Variants in MAGI3 observed in about 807,000 individuals in gnomAD.
The protein encoded by MAGI3 is membrane associated guanylate kinase, WW and PDZ domain containing 3.
A neutral mutation model predicts 121.8 loss-of-function variants in MAGI3; 43 were observed. That is an observed-to-expected ratio of 0.35 (90% CI 0.28 to 0.46). The LOEUF is 0.46. Among genes scored for constraint, MAGI3 ranks in the 20% least tolerant of loss-of-function variants. The pLI is 1.00. For missense variants in MAGI3, 1,547 were observed against 1,797.3 expected, an observed-to-expected ratio of 0.86 and a Z score of 2.52; for synonymous variants, 553 against 639.3, an observed-to-expected ratio of 0.86 and a Z score of 2.04.
At chr1:113,479,273 C>T (rs1303045038) in intron 1 of MAGI3, among the ~76,000 whole-genome samples, 3 of 152,202 alleles carry the variant, frequency 2.0e-5, no homozygotes, top group Non-Finnish European at 4.4e-5. Context: ...CCACCAGTCC[C>T]AATGGGATGA....
chr1:113,439,077 C>T (rs1199525332), intron 1 of MAGI3, among the ~76,000 whole-genome samples: 1 of 152,162 alleles, frequency 6.6e-6, no homozygotes. Flanking sequence ...AACACAGGCA[C>T]TGTGATACCG....
chr1:113,580,459 A>G (rs1647950272), intron 2 of MAGI3, 83 bp from the exon 3 acceptor site: 3 of 1,329,696 alleles, frequency 2.3e-6, no homozygotes, highest in African/African-American at 1.5e-5. Flanking sequence ...TGTGTTCTCT[A>G]CAAACTGAAT....
chr1:113,625,622 A>G (rs914167667), intron 9 of MAGI3, among the ~76,000 whole-genome samples: 1 of 152,176 alleles, frequency 6.6e-6, no homozygotes, highest in South Asian at 2.1e-4. Flanking sequence ...TCCAAATATA[A>G]GATCCCATCA....
chr1:113,486,445 C>T (rs985933426), intron 1 of MAGI3, among the ~76,000 whole-genome samples: 1 of 151,886 alleles, frequency 6.6e-6, no homozygotes, highest in Admixed American at 6.6e-5. Flanking sequence ...AGGTATATTC[C>T]TAAGTTTGTT....
intron 6 of MAGI3, among the ~76,000 whole-genome samples, chr1:113,595,213 G>A (rs913806703): frequency 5.9e-5 from 9 of 152,092 alleles, no homozygotes; most frequent in African/African-American, 2.2e-4. Context: ...TGAAATGGGA[G>A]GATTGCTTGA....
intron 1 of MAGI3, among the ~76,000 whole-genome samples, chr1:113,402,164 G>A (rs922693960): frequency 3.3e-5 from 5 of 152,112 alleles, no homozygotes; most frequent in Admixed American, 1.3e-4. Context: ...GCGAAAAAAG[G>A]ACCTGTTAAA....
intron 19 of MAGI3, among the ~76,000 whole-genome samples, chr1:113,679,476 T>C (rs1190897951): frequency 6.6e-6 from 1 of 152,230 alleles, no homozygotes; most frequent in East Asian, 1.9e-4. Context: ...ATGGTGTGTA[T>C]ATACCACATT....
intron 1 of MAGI3, chr1:113,403,995 C>T (rs925166761): frequency 1.3e-5 from 2 of 151,442 alleles, no homozygotes; most frequent in Non-Finnish European, 3.0e-5. Flanking sequence ...TTTCTGTGAG[C>T]TTCTCTTTTC....
intron 7 of MAGI3, among the ~76,000 whole-genome samples, chr1:113,616,685 A>G (rs1245934440): frequency 6.6e-6 from 1 of 152,176 alleles, no homozygotes; most frequent in African/African-American, 2.4e-5. Context: ...AAATATGCTT[A>G]TATATTTAGA....
At chr1:113,474,558 A>G (rs1655713663) in intron 1 of MAGI3, among the ~76,000 whole-genome samples, 3 of 152,192 alleles carry the variant, frequency 2.0e-5, no homozygotes, top group South Asian at 4.1e-4. Flanking sequence ...AGGTTTGTCA[A>G]AGATCCGATG....
At chr1:113,411,215 C>T (rs921392955) in intron 1 of MAGI3, among the ~76,000 whole-genome samples, 3 of 152,058 alleles carry the variant, frequency 2.0e-5, no homozygotes, top group African/African-American at 7.2e-5. Context: ...GCAACTTAAT[C>T]TGTTTATTGA....
chr1:113,601,344 C>G (rs147272614), intron 6 of MAGI3, among the ~76,000 whole-genome samples: 15,608 of 151,650 alleles, frequency 0.1, 1,026 homozygotes, highest in East Asian at 0.19. Flanking sequence ...CTAATATCCA[C>G]AATCTACAAT....
At chr1:113,679,703 A>G (rs11102669) in intron 19 of MAGI3, among the ~76,000 whole-genome samples, 113,669 of 150,964 alleles carry the variant, frequency 0.75, 43,604 homozygotes, top group African/African-American at 0.86. Context: ...ATTTTCCTGA[A>G]AAATGATTTT....
intron 4 of MAGI3, among the ~76,000 whole-genome samples, chr1:113,587,740 A>G (rs2101731021): frequency 6.6e-6 from 1 of 152,338 alleles, no homozygotes; most frequent in South Asian, 2.1e-4. Flanking sequence ...TTGGCTATTA[A>G]GCAAACTCCT....
chr1:113,671,968 A>G, intron 17 of MAGI3, 132 bp downstream of exon 17: 2 of 786,140 alleles, frequency 2.5e-6, no homozygotes, highest in Non-Finnish European at 4.2e-6. Context: ...GGTCAAAATG[A>G]CAACTCTTGC....
intron 1 of MAGI3, among the ~76,000 whole-genome samples, chr1:113,532,191 T>C (rs1658760173): frequency 6.6e-6 from 1 of 152,008 alleles, no homozygotes; most frequent in South Asian, 2.1e-4. Context: ...TAAAGACTAT[T>C]TATACTTTGC....
intron 1 of MAGI3, among the ~76,000 whole-genome samples, chr1:113,475,892 C>A (rs1655793486): frequency 6.6e-6 from 1 of 152,132 alleles, no homozygotes; most frequent in East Asian, 1.9e-4. Context: ...TTAATTTTTG[C>A]CTCAATTTCA....
At chr1:113,670,513 T>G (rs1233058902) in intron 16 of MAGI3, among the ~76,000 whole-genome samples, 1 of 152,170 alleles carries the variant, frequency 6.6e-6, no homozygotes, top group Non-Finnish European at 1.5e-5. Context: ...TTATATCAGC[T>G]TCCACATGTT....
At chr1:113,682,850 T>C (rs1648299248) in intron 20 of MAGI3, 47 bp from the exon 21 acceptor site, 2 of 1,493,494 alleles carry the variant, frequency 1.3e-6, no homozygotes, top group African/African-American at 2.8e-5. Flanking sequence ...TTGTTCCTAT[T>C]TGTAATTCTA....
Sources: allele counts gnomAD v4.1 joint callset (sites outside exome capture counted in the v4.1 genomes callset), GRCh38; gene constraint gnomAD v4.1.1; transcripts MANE v1.5; gene names NCBI Gene and HGNC (gene_info 2026-07-23, HGNC 2026-07-21).